The following NFATC2 variants were observed in gnomAD, a reference collection of about 807,000 sequenced individuals.
NFATC2 encodes nuclear factor of activated T cells 2, also known as nuclear factor of activated T-cells, cytoplasmic 2.
A neutral mutation model predicts 87.3 loss-of-function variants in NFATC2; 22 were observed. The observed-to-expected ratio is 0.25, with a 90% CI of 0.18 to 0.36. The LOEUF (loss-of-function observed/expected upper bound fraction) is 0.36, where lower values mean the gene tolerates loss of function less well. Among genes scored for constraint, NFATC2 ranks in the 10% least tolerant of loss-of-function variants. The probability of loss-of-function intolerance (pLI) is 1.00; values close to 1 mark genes in which losing one functional copy is unlikely to be tolerated. For missense variants in NFATC2, 1,149 were observed against 1,259.1 expected (o/e 0.91, Z 1.32); for synonymous variants, 565 against 542.2 (o/e 1.04, Z -0.58).
At chr20:51,417,057 T>C (rs555513201) in intron 9 of NFATC2, among the ~76,000 whole-genome samples, 1 of 152,264 alleles carries the variant, frequency 6.6e-6, no homozygotes, top group Admixed American at 6.5e-5. Context: ...TCTTTATACG[T>C]GGACTCAGAA....
chr20:51,509,180 T>C (rs2076233322), intron 3 of NFATC2, among the ~76,000 whole-genome samples: 1 of 152,136 alleles, frequency 6.6e-6, no homozygotes, highest in Non-Finnish European at 1.5e-5. Flanking sequence ...CCCAGGGAGA[T>C]CCATCAAACC....
At chr20:51,529,587 G>A (rs537302290) in intron 1 of NFATC2, among the ~76,000 whole-genome samples, 26 of 152,184 alleles carry the variant, frequency 1.7e-4, no homozygotes, top group Non-Finnish European at 3.2e-4. Flanking sequence ...CACGATGCCC[G>A]CACGGCACTG....
chr20:51,415,581 A>T (rs1979939884), intron 9 of NFATC2, among the ~76,000 whole-genome samples: 1 of 152,200 alleles, frequency 6.6e-6, no homozygotes, highest in African/African-American at 2.4e-5. Flanking sequence ...AGTGACATGG[A>T]ATCAACAGCC....
chr20:51,553,618 G>T (rs958144130), intron 1 of NFATC2, among the ~76,000 whole-genome samples: 52 of 148,028 alleles, frequency 3.5e-4, no homozygotes, highest in Admixed American at 2.0e-3. Context: ...GGAGCTTGCA[G>T]TGAGCCGAGA....
At chr20:51,495,425 A>G (rs945170871) in intron 3 of NFATC2, among the ~76,000 whole-genome samples, 1 of 152,206 alleles carries the variant, frequency 6.6e-6, no homozygotes, top group South Asian at 2.1e-4. Flanking sequence ...GTGTGACCGC[A>G]TATTCACCTC....
chr20:51,528,544 C>T (rs1314593170), intron 1 of NFATC2, among the ~76,000 whole-genome samples: 4 of 152,140 alleles, frequency 2.6e-5, no homozygotes, highest in Non-Finnish European at 5.9e-5. Context: ...ACACGCACAG[C>T]TGAAGGATGC....
At chr20:51,448,954 A>T (rs1461046902) in intron 6 of NFATC2, among the ~76,000 whole-genome samples, 1 of 152,210 alleles carries the variant, frequency 6.6e-6, no homozygotes, top group Non-Finnish European at 1.5e-5. Flanking sequence ...CTTAAGAAAC[A>T]CCACGCTGCC....
chr20:51,396,475 C>A (rs1568922758), intron 10 of NFATC2, among the ~76,000 whole-genome samples: 1 of 152,174 alleles, frequency 6.6e-6, no homozygotes, highest in South Asian at 2.1e-4. Flanking sequence ...CCTGAGAAAG[C>A]AGCAACAGGA....
rs2076026244 is a variant in NFATC2 at position 51,498,492 on chromosome 20, T to C, written c.1332+18292A>G. 2.0e-5 allele frequency among the ~76,000 whole-genome samples: 3 copies of C among 151,926 alleles called. No homozygotes were observed. The South Asian group carries it at 6.2e-4, about 32-fold the overall frequency. ...AAGGAAGAGAGAACATATATCAGGCTATGGAAAAAAAGAAACAAACAGAGG... is the reference window on the plus strand; with the variant it reads ...AAGGAAGAGAGAACATATATCAGGCCATGGAAAAAAAGAAACAAACAGAGG... On this transcript the variant is annotated intron_variant, in intron 3 of 10. Coordinates refer to ENST00000371564, the MANE Select transcript of NFATC2 (RefSeq NM_012340.5).
intron 1 of NFATC2, among the ~76,000 whole-genome samples, chr20:51,529,403 A>C: frequency 6.6e-6 from 1 of 152,168 alleles, no homozygotes; most frequent in East Asian, 1.9e-4. Flanking sequence ...TTTACCAGCA[A>C]GCAGGGAATA....
At chr20:51,519,051 A>C (rs887069324) in intron 2 of NFATC2, among the ~76,000 whole-genome samples, 1 of 152,100 alleles carries the variant, frequency 6.6e-6, no homozygotes, top group African/African-American at 2.4e-5. Context: ...AGGGTATCCA[A>C]AGTGCCTTTA....
At chr20:51,440,883 C>G (rs933248680) in intron 6 of NFATC2, among the ~76,000 whole-genome samples, 4 of 152,248 alleles carry the variant, frequency 2.6e-5, no homozygotes, top group African/African-American at 9.6e-5. Flanking sequence ...TCCTCCTCCC[C>G]ACTCCACCCC....
At chr20:51,397,599 G>A (rs149870903) in intron 10 of NFATC2, among the ~76,000 whole-genome samples, 2 of 152,228 alleles carry the variant, frequency 1.3e-5, no homozygotes, top group Non-Finnish European at 2.9e-5. Context: ...GCAAAGTCCT[G>A]AGGACACTCC....
chr20:51,513,442 G>A (rs913653962), intron 3 of NFATC2, among the ~76,000 whole-genome samples: 1 of 152,246 alleles, frequency 6.6e-6, no homozygotes, highest in Non-Finnish European at 1.5e-5. Context: ...TCATGCCACT[G>A]CACTCCAGCC....
chr20:51,485,529 T>C (rs1311364307), intron 3 of NFATC2, among the ~76,000 whole-genome samples: 2 of 120,146 alleles, frequency 1.7e-5, no homozygotes, highest in Non-Finnish European at 3.9e-5. Flanking sequence ...CTTTTTCTTG[T>C]TGATTTTTTT....
At chr20:51,445,010 C>G (rs1471574350) in intron 6 of NFATC2, among the ~76,000 whole-genome samples, 1 of 152,146 alleles carries the variant, frequency 6.6e-6, no homozygotes, top group African/African-American at 2.4e-5. Context: ...GGTCCAGCTG[C>G]TCACTCACCT....
In NFATC2 at chr20:51,561,491, G is replaced by GAAAA. The variant is rs1568765976; in HGVS notation, c.70+1068_70+1069insTTTT. On this transcript the variant is annotated intron_variant, in intron 1 of 10. Transcript: ENST00000414705. ...AGAAAGAAAGAAAGAAAGAAAGCAA[G>GAAAA]CAAGCAAGCAAGCAAGCAAGCAAGC... is the stretch of plus-strand genomic sequence containing the variant. Among the ~76,000 whole-genome samples, 3 of 95,146 alleles carry GAAAA rather than the reference G, an allele frequency of 3.2e-5. No homozygotes were observed. In the East Asian group the frequency reaches 9.4e-4, roughly 30 times the overall value. 62.4% of individuals were successfully genotyped at this position (95,146 alleles called of 152,430 possible). A position where few individuals can be genotyped will look rare whatever the true frequency, so the allele number is the denominator to read the frequency against.
intron 1 of NFATC2, among the ~76,000 whole-genome samples, chr20:51,537,503 A>C (rs928673150): frequency 6.6e-6 from 1 of 152,162 alleles, no homozygotes; most frequent in Non-Finnish European, 1.5e-5. Context: ...GCTTAGCAGA[A>C]ATTGAAGGAG....
At chr20:51,452,010 A>G (rs1237869657) in intron 6 of NFATC2, among the ~76,000 whole-genome samples, 2 of 152,098 alleles carry the variant, frequency 1.3e-5, no homozygotes, top group South Asian at 2.1e-4. Context: ...CATCTCCCCA[A>G]CCCTTGAAAA....
Sources: gnomAD v4.1 joint callset for allele counts (sites outside exome capture counted in the v4.1 genomes callset) on GRCh38, gnomAD v4.1.1 for gene constraint, MANE v1.5 for transcripts, NCBI Gene and HGNC (gene_info 2026-07-23, HGNC 2026-07-21) for gene names.